SULT1C3: variants seen among roughly 807,000 people sequenced by gnomAD.
The protein encoded by SULT1C3 is sulfotransferase 1C3.
Under a neutral mutation model 28.4 loss-of-function variants are expected in SULT1C3, and 31 were observed. That is an observed-to-expected ratio of 1.09 (90% CI 0.82 to 1.47). The LOEUF is 1.47. Among genes scored for constraint, SULT1C3 ranks in the 40% most tolerant of loss-of-function variants. SULT1C3 has a pLI of 0.00. For missense variants in SULT1C3, 307 were observed against 272.5 expected, an observed-to-expected ratio of 1.13 and a Z score of -0.89; for synonymous variants, 106 against 92.2, an observed-to-expected ratio of 1.15 and a Z score of -0.86.
At chr2:108,264,873 A>G (rs765015427), downstream of SULT1C3, 11 of 1,613,664 alleles carry the variant, frequency 6.8e-6, no homozygotes, top group Non-Finnish European at 9.3e-6. Context: ...GGAAAAAGAC[A>G]TATCAGAGGA....
chr2:108,248,620 C>A (rs995846937), intron 2 of SULT1C3, among the ~76,000 whole-genome samples: 29 of 152,018 alleles, frequency 1.9e-4, no homozygotes, highest in African/African-American at 6.8e-4. Flanking sequence ...GACTGCACTT[C>A]CATAGAGCCT....
chr2:108,249,349 G>A (rs57900280), intron 2 of SULT1C3, among the ~76,000 whole-genome samples: 2,160 of 151,866 alleles, frequency 0.014, 46 homozygotes, highest in African/African-American at 0.048. Context: ...CTCTGACAGC[G>A]AAAAGCTGAA....
At chr2:108,253,190 T>C (rs1347896606) in intron 3 of SULT1C3, among the ~76,000 whole-genome samples, 155 bp from the exon 4 acceptor site, 1 of 152,102 alleles carries the variant, frequency 6.6e-6, no homozygotes, top group African/African-American at 2.4e-5. Context: ...TTAGGCAGGA[T>C]TGGATGCTTT....
intron 4 of SULT1C3, among the ~76,000 whole-genome samples, chr2:108,255,326 C>T (rs1000254799): frequency 2.0e-5 from 3 of 151,924 alleles, no homozygotes; most frequent in African/African-American, 4.8e-5. Context: ...TCCTGCATAA[C>T]CAGGAAGAGT....
At chr2:108,259,267 G>A (rs927491876) in intron 7 of SULT1C3, 121 bp downstream of exon 7, 7 of 221,262 alleles carry the variant, frequency 3.2e-5, no homozygotes, top group Non-Finnish European at 5.6e-5. Context: ...TTGAATCTCT[G>A]CTCCCTTCAC....
In SULT1C3 at chr2:108,258,930, C is replaced by T. The variant is rs2104392584; in HGVS notation, c.622-36C>T. 3 of 866,028 alleles carry T rather than the reference C, an allele frequency of 3.5e-6. No individual in the cohort carries two copies. In the East Asian group the frequency reaches 8.0e-5, roughly 23 times the overall value. 53.6% of individuals were successfully genotyped at this position (866,028 alleles called of 1,614,324 possible). A position where few individuals can be genotyped will look rare whatever the true frequency, so the allele number is the denominator to read the frequency against. On this transcript the variant is annotated intron_variant, in intron 6 of 7. Coordinates refer to ENST00000681802, the MANE Select transcript of SULT1C3 (RefSeq NM_001320878.2). Reference sequence around the variant, plus strand: ...TAATTGGCCAAGTTCTTCTTCTTTCCTCCCTCTTCACAATGCCTTTTTCTC... The same window carrying T: ...TAATTGGCCAAGTTCTTCTTCTTTCTTCCCTCTTCACAATGCCTTTTTCTC...
chr2:108,259,947 T>C (rs1675979844), intron 7 of SULT1C3, among the ~76,000 whole-genome samples: 1 of 152,122 alleles, frequency 6.6e-6, no homozygotes. Context: ...CAAGCTGGAA[T>C]CTAGAATTTG....
intron 2 of SULT1C3, among the ~76,000 whole-genome samples, chr2:108,248,210 G>C (rs193078135): frequency 1.8e-4 from 27 of 152,218 alleles, no homozygotes; most frequent in Non-Finnish European, 3.5e-4. Context: ...AGCCACATTT[G>C]GGACAGTTTG....
downstream of SULT1C3, among the ~76,000 whole-genome samples, chr2:108,263,581 G>T (rs908187836): frequency 6.6e-6 from 1 of 152,156 alleles, no homozygotes; most frequent in African/African-American, 2.4e-5. Context: ...ATTGGTATAG[G>T]GGAGGTCTAT....
intron 1 of SULT1C3, among the ~76,000 whole-genome samples, chr2:108,242,716 T>C (rs182469310): frequency 6.6e-6 from 1 of 152,302 alleles, no homozygotes; most frequent in East Asian, 1.9e-4. Context: ...AACTATCTAC[T>C]TTTAATTTTG....
At chr2:108,255,450 C>A in intron 4 of SULT1C3, 122 bp from the exon 5 acceptor site, 1 of 1,138,052 alleles carries the variant, frequency 8.8e-7, no homozygotes, top group Non-Finnish European at 1.2e-6. Context: ...TAATTCATAA[C>A]TAATGTATCT....
At chr2:108,256,209 C>T (rs145280485) in intron 5 of SULT1C3, among the ~76,000 whole-genome samples, 3 of 152,000 alleles carry the variant, frequency 2.0e-5, no homozygotes, top group Non-Finnish European at 4.4e-5. Context: ...TTATTAAGAT[C>T]ACACCTTCCA....
At position 108,247,325 on chromosome 2, in the gene SULT1C3, C is replaced by A; in HGVS notation, c.131C>A (p.Ala44Asp). Residue 44 changes from alanine to aspartate, a missense_variant, in exon 2 of 8, where the codon GCC (alanine) becomes GAC (aspartate). By Grantham distance (126) the Ala-to-Asp change is moderately radical (BLOSUM62 -2). Coordinates refer to ENST00000681802, the MANE Select transcript of SULT1C3 (RefSeq NM_001320878.2). Reference protein sequence around the residue: ...EWWEKVCNFQAKPDDLILATY... With the variant: ...EWWEKVCNFQDKPDDLILATY... ...TGGGAAAAAGTATGTAATTTCCAAGCCAAGCCTGATGATCTTATTCTGGCA... is the reference window on the plus strand; with the variant it reads ...TGGGAAAAAGTATGTAATTTCCAAGACAAGCCTGATGATCTTATTCTGGCA... 1 of 1,573,754 alleles carries A rather than the reference C, an allele frequency of 6.4e-7. No homozygotes were observed. The highest frequency in any genetic ancestry group is 2.3e-5 in the East Asian group (1 of 43,494).
chr2:108,252,550 T>G (rs1675758688), intron 3 of SULT1C3, 57 bp downstream of exon 3: 2 of 1,599,332 alleles, frequency 1.3e-6, no homozygotes, highest in African/African-American at 1.3e-5. Flanking sequence ...CAGAGCAATG[T>G]GTACTGTCTC....
At chr2:108,251,287 T>C (rs1037462353) in intron 2 of SULT1C3, among the ~76,000 whole-genome samples, 19 of 151,936 alleles carry the variant, frequency 1.3e-4, no homozygotes, top group Admixed American at 2.0e-4. Flanking sequence ...CAATAAAAAT[T>C]AGGTAAAGTA....
intron 2 of SULT1C3, among the ~76,000 whole-genome samples, chr2:108,249,440 A>T (rs1056427350): frequency 2.6e-5 from 4 of 152,164 alleles, no homozygotes; most frequent in African/African-American, 9.6e-5. Context: ...ACAGAAAATA[A>T]TAGTATACAA....
Position 108,258,987 on chromosome 2 carries a change from A to G in SULT1C3, c.643A>G (p.Lys215Glu). ...TCAGAATCCAAAACATGAGATCCAC[A>G]AGGTGTTGGAATTCTTGGAGAAAAC... is the stretch of plus-strand genomic sequence containing the variant. ...IKKNPKHEIH[K>E]VLEFLEKTWS... Residue 215 changes from lysine to glutamate, a missense_variant, in exon 7 of 8, where the codon AAG becomes GAG. By Grantham distance (56) the Lys-to-Glu change is moderately conservative (BLOSUM62 1). Coordinates refer to ENST00000681802, the MANE Select transcript of SULT1C3 (RefSeq NM_001320878.2). 2.9e-6 allele frequency: 2 copies of G among 679,214 alleles called. No individual in the cohort carries two copies. The highest frequency in any genetic ancestry group is 2.6e-6 in the Non-Finnish European group (1 of 378,316). 42.1% of individuals were successfully genotyped at this position (679,214 alleles called of 1,614,324 possible).
At chr2:108,240,371 T>C (rs1675438809) in intron 1 of SULT1C3, among the ~76,000 whole-genome samples, 1 of 152,264 alleles carries the variant, frequency 6.6e-6, no homozygotes, top group South Asian at 2.1e-4. Flanking sequence ...ATAATTTTGA[T>C]TTGATCTTTA....
At chr2:108,242,754 T>A (rs1675493789) in intron 1 of SULT1C3, among the ~76,000 whole-genome samples, 1 of 152,166 alleles carries the variant, frequency 6.6e-6, no homozygotes, top group South Asian at 2.1e-4. Context: ...ACAGAGGGCT[T>A]TTTATTTTCC....
Sources: allele counts gnomAD v4.1 joint callset (sites outside exome capture counted in the v4.1 genomes callset), GRCh38; gene constraint gnomAD v4.1.1; transcripts MANE v1.5; gene names NCBI Gene and HGNC (gene_info 2026-07-23, HGNC 2026-07-21).